MAN1A1: variants seen among roughly 807,000 people sequenced by gnomAD.
The protein encoded by MAN1A1 is mannosidase alpha class 1A member 1, also known as mannosyl-oligosaccharide 1,2-alpha-mannosidase IA.
MAN1A1 carries 29 observed loss-of-function variants against 70.8 expected under a neutral mutation model. The ratio of observed to expected loss-of-function variants is 0.41; its 90% CI spans 0.31 to 0.56. The LOEUF is 0.56. MAN1A1 is among the 20% of genes least tolerant of loss of function. The pLI is 0.29. For synonymous variants in MAN1A1, 349 were observed against 330.1 expected, an observed-to-expected ratio of 1.06 and a Z score of -0.62; for missense variants, 747 against 841.3, an observed-to-expected ratio of 0.89 and a Z score of 1.39.
chr6:119,348,551 G>A lies in MAN1A1; in HGVS notation c.515C>T (p.Pro172Leu). 5 of 1,613,304 alleles carry A rather than the reference G, an allele frequency of 3.1e-6. No homozygotes were observed. The highest frequency in any genetic ancestry group is 4.2e-6 in the Non-Finnish European group (5 of 1,179,672). Residue 172 changes from proline (P) to leucine (L), a missense_variant, in exon 2 of 13, where the codon CCC becomes CTC. Pro to Leu is a moderately conservative substitution (Grantham distance 98). Coordinates refer to ENST00000368468, the MANE Select transcript of MAN1A1 (RefSeq NM_005907.4). ...GATTGGGGGCACGAAGTCCACCGGG[G>A]GCAGGCCTCTGAACGGCGCCTTGTC... ...LRDKAPFRGLPPVDFVPPIGV... is the reference protein window; with the variant it reads ...LRDKAPFRGLLPVDFVPPIGV...
chr6:119,241,920 GTGTT>G (rs749225357), intron 6 of MAN1A1, among the ~76,000 whole-genome samples: 8 of 120,322 alleles, frequency 6.6e-5, no homozygotes, highest in South Asian at 2.7e-4. Flanking sequence ...GTGTGTGTGT[GTGTT>G]TGTGTATGTG....
intron 6 of MAN1A1, among the ~76,000 whole-genome samples, chr6:119,217,707 GA>G (rs1282288862): frequency 2.0e-5 from 3 of 152,162 alleles, no homozygotes; most frequent in Non-Finnish European, 4.4e-5. Context: ...TGTAATGAGT[GA>G]AATAATGTAA....
intron 2 of MAN1A1, among the ~76,000 whole-genome samples, chr6:119,341,633 T>C (rs1773595038): frequency 6.6e-6 from 1 of 152,212 alleles, no homozygotes; most frequent in African/African-American, 2.4e-5. Flanking sequence ...TAAAACTGAT[T>C]TATGCTAACT....
chr6:119,264,023 T>A (rs1211616690), intron 5 of MAN1A1, among the ~76,000 whole-genome samples: 1 of 152,218 alleles, frequency 6.6e-6, no homozygotes, highest in Non-Finnish European at 1.5e-5. Flanking sequence ...AGCCAAATCA[T>A]GAGGTCTATT....
intron 4 of MAN1A1, among the ~76,000 whole-genome samples, chr6:119,297,474 G>A (rs1772246392): frequency 6.6e-6 from 1 of 152,050 alleles, no homozygotes. Context: ...TTCTCTGACT[G>A]CGTATATATT....
intron 3 of MAN1A1, among the ~76,000 whole-genome samples, chr6:119,303,498 CT>C (rs1772449851): frequency 6.6e-6 from 1 of 152,132 alleles, no homozygotes; most frequent in South Asian, 2.1e-4. Flanking sequence ...CTGTAGAAAC[CT>C]TTTTCCTTAG....
intron 6 of MAN1A1, among the ~76,000 whole-genome samples, chr6:119,231,100 T>A (rs776138706): frequency 2.6e-5 from 4 of 152,176 alleles, no homozygotes; most frequent in Non-Finnish European, 5.9e-5. Flanking sequence ...CAGAGTGCAG[T>A]GCCTACTTAA....
chr6:119,238,462 A>G (rs1028746999), intron 6 of MAN1A1, among the ~76,000 whole-genome samples: 2 of 152,240 alleles, frequency 1.3e-5, no homozygotes, highest in African/African-American at 4.8e-5. Context: ...TACCCATCTT[A>G]AAATGGCATA....
At chr6:119,278,678 G>T (rs1397171731) in intron 5 of MAN1A1, among the ~76,000 whole-genome samples, 3 of 152,120 alleles carry the variant, frequency 2.0e-5, no homozygotes, top group Non-Finnish European at 4.4e-5. Flanking sequence ...GTGTTGGAAG[G>T]TGGGGCCTAG....
rs776673847 is a variant in MAN1A1, at chr6:119,179,984, T to G, written c.1836-39A>C. 8 of 1,604,942 alleles carry G rather than the reference T, an allele frequency of 5.0e-6. No homozygotes were observed. The East Asian group carries it at 1.8e-4, about 36-fold the overall frequency. ...CATAAGTATATGAGGCCCAAGACAC[T>G]AGGCAGGCAGTGAAACCACAAACAC... On this transcript the variant is annotated intron_variant, in intron 12 of 12. Transcript: ENST00000368468.
chr6:119,210,883 C>T lies in MAN1A1; in HGVS notation c.993-6001G>A, dbSNP rs1774031063. ...CTTTCCAGTGTGGGCCAATGATATC[C>T]CACCTCATATGGTAGCCTCCATAGC... On this transcript the variant is annotated intron_variant, in intron 6 of 12. Coordinates refer to ENST00000368468, the MANE Select transcript of MAN1A1 (RefSeq NM_005907.4). 8.8e-6 allele frequency: 4 copies of T among 455,542 alleles called. No homozygotes were observed. In the Admixed American group the frequency reaches 9.4e-5, roughly 11 times the overall value. 28.2% of individuals were successfully genotyped at this position (455,542 alleles called of 1,614,324 possible).
chr6:119,335,632 A>G (rs926503499), intron 2 of MAN1A1, among the ~76,000 whole-genome samples: 15 of 152,366 alleles, frequency 9.8e-5, no homozygotes, highest in Non-Finnish European at 2.1e-4. Context: ...GGCCAAAGAT[A>G]GAAATAATCA....
At position 119,209,958 on chromosome 6, in the gene MAN1A1, T is replaced by A. The variant is rs1258638540; in HGVS notation, c.993-5076A>T. Among the ~76,000 whole-genome samples, 3 of 151,790 alleles carry A rather than the reference T, an allele frequency of 2.0e-5. 1 individual carries two copies. The highest frequency in any genetic ancestry group is 2.0e-4 in the Admixed American group (3 of 15,228). On this transcript the variant is annotated intron_variant, in intron 6 of 12. Transcript: ENST00000368468. Reference sequence around the variant, plus strand: ...TGCTTTCAAACAGCAGCAGGGTAAATCTCCACACAACTTTTTAACTAAGGG... The same window carrying A: ...TGCTTTCAAACAGCAGCAGGGTAAAACTCCACACAACTTTTTAACTAAGGG...
At chr6:119,185,839 T>C (rs908074944) in intron 11 of MAN1A1, among the ~76,000 whole-genome samples, 13 of 133,684 alleles carry the variant, frequency 9.7e-5, no homozygotes, top group Admixed American at 3.8e-4. Flanking sequence ...CACTTTGGCC[T>C]CCCAGTTTTT....
At chr6:119,299,065 T>A (rs985631664) in intron 4 of MAN1A1, among the ~76,000 whole-genome samples, 1 of 152,090 alleles carries the variant, frequency 6.6e-6, no homozygotes, top group African/African-American at 2.4e-5. Flanking sequence ...TTTCTTCATA[T>A]AAATGAGAAA....
At chr6:119,223,555 A>T (rs957001483) in intron 6 of MAN1A1, among the ~76,000 whole-genome samples, 7 of 152,182 alleles carry the variant, frequency 4.6e-5, no homozygotes, top group African/African-American at 1.7e-4. Flanking sequence ...AAAAATTATA[A>T]TTTTATCCCC....
intron 6 of MAN1A1, among the ~76,000 whole-genome samples, chr6:119,236,323 T>C (rs1391664187): frequency 6.6e-6 from 1 of 152,150 alleles, no homozygotes; most frequent in Admixed American, 6.6e-5. Context: ...ACAATGCACC[T>C]GGTCACCCAA....
intron 1 of MAN1A1, 26 bp downstream of exon 1, chr6:119,349,516 G>A (rs1301864849): frequency 4.1e-6 from 4 of 983,878 alleles, no homozygotes; most frequent in African/African-American, 3.5e-5. Context: ...GGCAGCGCGC[G>A]AGCACCTCGG....
chr6:119,216,131 C>T (rs1466613631), intron 6 of MAN1A1, among the ~76,000 whole-genome samples: 1 of 152,188 alleles, frequency 6.6e-6, no homozygotes, highest in Non-Finnish European at 1.5e-5. Context: ...GGGCAGATTA[C>T]ACAGGGACAC....
Sources: allele counts gnomAD v4.1 joint callset (sites outside exome capture counted in the v4.1 genomes callset), GRCh38; gene constraint gnomAD v4.1.1; transcripts MANE v1.5; gene names NCBI Gene and HGNC (gene_info 2026-07-23, HGNC 2026-07-21).